The following SRGAP3 variants were observed in gnomAD, a reference collection of about 807,000 sequenced individuals.
The protein encoded by SRGAP3 is SLIT-ROBO Rho GTPase activating protein 3.
Under a neutral mutation model 121.1 loss-of-function variants are expected in SRGAP3, and 39 were observed. That is an observed-to-expected ratio of 0.32 (90% confidence interval 0.25 to 0.42). SRGAP3 has a LOEUF of 0.42. Ranked by LOEUF, SRGAP3 falls within the 10% of genes least tolerant of loss-of-function variation. SRGAP3 has a pLI of 1.00. For synonymous variants in SRGAP3, 601 were observed against 570.0 expected (o/e 1.05, Z -0.77); for missense variants, 1,213 against 1,470.6 (o/e 0.82, Z 2.86).
At chr3:9,064,857 ATAATAAT>A (rs1946349853) in intron 4 of SRGAP3, among the ~76,000 whole-genome samples, 1 of 98,914 alleles carries the variant, frequency 1.0e-5, no homozygotes, top group South Asian at 3.8e-4. Flanking sequence ...AAATTAAAAA[ATAATAAT>A]AAATAAATAA....
chr3:9,189,448 T>C (rs149263229), intron 1 of SRGAP3, among the ~76,000 whole-genome samples: 2 of 152,338 alleles, frequency 1.3e-5, no homozygotes, highest in East Asian at 3.9e-4. Context: ...GGATGAAGTA[T>C]CTGTGGAGCC....
rs561647026 is a variant in SRGAP3 at position 9,338,824 on chromosome 3, A to G, written n.215-8228T>C. 4.6e-5 allele frequency among the ~76,000 whole-genome samples: 7 copies of G among 152,308 alleles called. No homozygotes were observed. The South Asian group carries it at 6.2e-4, about 14-fold the overall frequency. On this transcript the variant is annotated intron_variant and non_coding_transcript_variant, in intron 1 of 3. Transcript: ENST00000490889. Reference sequence around the variant, plus strand: ...GAACACAAGTCAACTGTAGACAGAAATATTCTGCTCTCATTACATGCCAAA... The same window carrying G: ...GAACACAAGTCAACTGTAGACAGAAGTATTCTGCTCTCATTACATGCCAAA...
At chr3:9,089,304 G>C (rs893415962) in intron 3 of SRGAP3, among the ~76,000 whole-genome samples, 2 of 98,244 alleles carry the variant, frequency 2.0e-5, no homozygotes, top group African/African-American at 6.9e-5. Context: ...GGGGGGGGGG[G>C]GGGGCTGGAG....
At chr3:9,144,687 C>T (rs1002124393) in intron 1 of SRGAP3, among the ~76,000 whole-genome samples, 3 of 152,182 alleles carry the variant, frequency 2.0e-5, no homozygotes, top group African/African-American at 7.2e-5. Flanking sequence ...TGCCTTTCAC[C>T]TCCCACCATG....
At chr3:9,014,783 A>G (rs548889265) in intron 15 of SRGAP3, 2 of 152,298 alleles carry the variant, frequency 1.3e-5, no homozygotes, top group South Asian at 4.2e-4. Flanking sequence ...CTGGCTGCAA[A>G]TATCTCTCAG....
chr3:9,220,293 A>G (rs919397178), intron 1 of SRGAP3, among the ~76,000 whole-genome samples: 2 of 140,642 alleles, frequency 1.4e-5, no homozygotes, highest in African/African-American at 5.3e-5. Flanking sequence ...TACCACATGT[A>G]CCCCATAAAC....
intron 1 of SRGAP3, among the ~76,000 whole-genome samples, chr3:9,346,890 G>T (rs1254265193): frequency 6.6e-6 from 1 of 151,690 alleles, no homozygotes; most frequent in Non-Finnish European, 1.5e-5. Flanking sequence ...CAAGTAGCTG[G>T]GATTACAGGC....
intron 8 of SRGAP3, among the ~76,000 whole-genome samples, chr3:9,055,196 T>C (rs1187579061): frequency 6.6e-6 from 1 of 152,246 alleles, no homozygotes; most frequent in East Asian, 1.9e-4. Flanking sequence ...GCTATCATCC[T>C]GAGCTCCAAT....
intron 3 of SRGAP3, among the ~76,000 whole-genome samples, chr3:9,258,899 C>A (rs1954191966): frequency 6.6e-6 from 1 of 152,190 alleles, no homozygotes; most frequent in South Asian, 2.1e-4. Flanking sequence ...GTGAGCTTTT[C>A]ACGTGTGAAT....
chr3:9,358,562 G>A (rs2030639468), intron 1 of SRGAP3, among the ~76,000 whole-genome samples: 1 of 152,170 alleles, frequency 6.6e-6, no homozygotes, highest in South Asian at 2.1e-4. Flanking sequence ...CACCAGCTGT[G>A]TGTTCTCCAA....
At chr3:9,220,863 G>A (rs756398154) in intron 1 of SRGAP3, among the ~76,000 whole-genome samples, 1 of 152,180 alleles carries the variant, frequency 6.6e-6, no homozygotes, top group East Asian at 1.9e-4. Flanking sequence ...GGACAGGGAA[G>A]AGGATGGCTT....
At chr3:9,127,189 T>C (rs531727044) in intron 1 of SRGAP3, among the ~76,000 whole-genome samples, 1 of 151,912 alleles carries the variant, frequency 6.6e-6, no homozygotes, top group African/African-American at 2.4e-5. Context: ...AGTTTTAAAT[T>C]AGCCAGGTGT....
chr3:9,041,869 C>T (rs1046998836), intron 10 of SRGAP3, among the ~76,000 whole-genome samples: 2 of 152,064 alleles, frequency 1.3e-5, no homozygotes, highest in Non-Finnish European at 2.9e-5. Flanking sequence ...CGGAGGCCGA[C>T]GTGGGTGAAT....
At chr3:9,356,790 G>GAGCC (rs2030540441) in intron 1 of SRGAP3, among the ~76,000 whole-genome samples, 1 of 151,994 alleles carries the variant, frequency 6.6e-6, no homozygotes. Context: ...TTACAGCCAT[G>GAGCC]AGCCACTGTG....
chr3:9,039,285 C>T (rs1944911925), intron 10 of SRGAP3, among the ~76,000 whole-genome samples: 1 of 152,176 alleles, frequency 6.6e-6, no homozygotes, highest in African/African-American at 2.4e-5. Context: ...CCTGTCTCCT[C>T]CTCATTCTGC....
Position 8,985,665 on chromosome 3 carries a change from G to T in SRGAP3, c.3154C>A (p.Leu1052Ile). Reference sequence around the variant, plus strand: ...ACGGGCCGCATGGGGGGCGGGCGGAGCTGGGCGCCAGCCAGGCGGGCGGAC... The same window carrying T: ...ACGGGCCGCATGGGGGGCGGGCGGATCTGGGCGCCAGCCAGGCGGGCGGAC... ...ALSARLAGAQ[L>I]RPPPMRPVRP... is the part of the protein sequence containing the mutation. The change falls in exon 22 of 22, where the codon CTC (leucine) becomes ATC (isoleucine). Residue 1052 changes from leucine (L) to isoleucine (I), a missense_variant. Physicochemically the swap from Leu to Ile is conservative, Grantham distance 5 (BLOSUM62 2). Around this residue, in one of 2 missense-constraint regions of SRGAP3, gnomAD observed 420 missense variants for 437.7 expected, o/e 0.96. Transcript: ENST00000383836. The surrounding 1 kb of genome is among the most constrained non-coding windows in gnomAD (Gnocchi z 5.1). 1 of 1,596,578 alleles carries T rather than the reference G, an allele frequency of 6.3e-7. No homozygotes were observed. Among genetic ancestry groups the T allele is most frequent in the Non-Finnish European group, 8.5e-7 (1 of 1,178,568 alleles).
intron 1 of SRGAP3, among the ~76,000 whole-genome samples, chr3:9,351,557 GGAA>G (rs1473799496): frequency 2.6e-5 from 4 of 152,270 alleles, no homozygotes; most frequent in East Asian, 1.9e-4. Flanking sequence ...CCTCCCTGAG[GGAA>G]GAAGAAGAGC....
intron 4 of SRGAP3, among the ~76,000 whole-genome samples, chr3:9,078,572 C>G (rs1190994029): frequency 6.6e-6 from 1 of 151,948 alleles, no homozygotes; most frequent in Non-Finnish European, 1.5e-5. Flanking sequence ...CTCTTTTTTT[C>G]TCTATGTTCT....
chr3:9,274,545 T>C (rs557844060), intron 3 of SRGAP3, among the ~76,000 whole-genome samples: 1 of 152,282 alleles, frequency 6.6e-6, no homozygotes, highest in African/African-American at 2.4e-5. Flanking sequence ...AGCGTTACAG[T>C]GCCCTTTTAG....
Sources: gnomAD v4.1 joint callset for allele counts (sites outside exome capture counted in the v4.1 genomes callset) on GRCh38, gnomAD v4.1.1 for gene constraint, gnomAD v4.1.1 regional missense constraint, Gnocchi (gnomAD v3.1) non-coding constraint, MANE v1.5 for transcripts, NCBI Gene and HGNC (gene_info 2026-07-23, HGNC 2026-07-21) for gene names.